The following RALGDS variants were observed in gnomAD, a reference collection of about 807,000 sequenced individuals.
The protein encoded by RALGDS is ral guanine nucleotide exchange factor.
Under a neutral mutation model 99.8 loss-of-function variants are expected in RALGDS, and 44 were observed. The observed-to-expected ratio is 0.44, with a 90% CI of 0.35 to 0.57. The LOEUF (loss-of-function observed/expected upper bound fraction) is 0.57. RALGDS is among the 20% of genes least tolerant of loss of function. The pLI is 0.01. For synonymous variants in RALGDS, 529 were observed against 505.0 expected (o/e 1.05, Z -0.64); for missense variants, 1,022 against 1,203.1 (o/e 0.85, Z 2.23).
chr9:133,107,352 T>C (rs754278523), intron 6 of RALGDS, 52 bp from the exon 7 acceptor site: 16 of 1,498,566 alleles, frequency 1.1e-5, no homozygotes, highest in Non-Finnish European at 1.3e-5. Context: ...TCTGGGCTGG[T>C]GCTGGGGAAG....
rs1404162814 is a variant in RALGDS at position 133,098,154 on chromosome 9, C to T, written c.*433G>A. On this transcript the variant is annotated 3_prime_UTR_variant, in exon 18 of 18. Coordinates refer to ENST00000372050, the MANE Select transcript of RALGDS (RefSeq NM_006266.4). ...GCTAGAGTGGTGGGAGGGGCCGGGA[C>T]CCCTGCGAAGGTCACAGGCCAGTGC... 3 of 298,916 alleles carry T rather than the reference C, an allele frequency of 1.0e-5. No individual in the cohort carries two copies. The highest frequency in any genetic ancestry group is 1.9e-5 in the Non-Finnish European group (3 of 157,152). The allele number at this position is 298,916 out of a possible 1,614,324, so 18.5% of individuals were successfully genotyped here. A position where few individuals can be genotyped will look rare whatever the true frequency, so the allele number is the denominator to read the frequency against.
upstream of RALGDS, among the ~76,000 whole-genome samples, chr9:133,125,839 G>A (rs1190013432): frequency 6.6e-6 from 1 of 152,152 alleles, no homozygotes; most frequent in East Asian, 1.9e-4. Flanking sequence ...CCCGGGCAGT[G>A]ACTCCTGCCA....
At chr9:133,139,451 C>T (rs923768489) in intron 1 of RALGDS, among the ~76,000 whole-genome samples, 27 of 152,302 alleles carry the variant, frequency 1.8e-4, no homozygotes, top group Admixed American at 1.2e-3. Context: ...CCACACTGGG[C>T]ACTACCCACC....
At position 133,120,959 on chromosome 9, in the gene RALGDS, C is replaced by A; in HGVS notation, c.183+13G>T. On this transcript the variant is annotated intron_variant, in intron 1 of 17. Coordinates refer to ENST00000372050, the MANE Select transcript of RALGDS (RefSeq NM_006266.4). ...CCGACGCACCCCCCGCCCGACCGCC[C>A]CAGCTCACCCACCTCCGGGCGCGGC... is the stretch of plus-strand genomic sequence containing the variant. The A allele has an allele frequency of 3.4e-6, 5 of 1,479,876 alleles. No homozygotes were observed. The highest frequency in any genetic ancestry group is 4.5e-6 in the Non-Finnish European group (5 of 1,120,750). The allele number at this position is 1,479,876 out of a possible 1,614,324, so 91.7% of individuals were successfully genotyped here.
intron 4 of RALGDS, 111 bp downstream of exon 4, chr9:133,109,515 G>C: frequency 1.0e-6 from 1 of 984,934 alleles, no homozygotes; most frequent in Non-Finnish European, 1.6e-6. Context: ...CACAAGAGGT[G>C]TGGGAGCCAG....
At chr9:133,113,468 C>G (rs967106681) in intron 1 of RALGDS, among the ~76,000 whole-genome samples, 1 of 152,152 alleles carries the variant, frequency 6.6e-6, no homozygotes, top group African/African-American at 2.4e-5. Flanking sequence ...GGCATTGTGC[C>G]GGGCTCCTGA....
In RALGDS at chr9:133,101,998, G is replaced by A. The variant is rs773247714; in HGVS notation, c.2151C>T (p.Ser717=). The change falls in exon 15 of 18, where the codon TCC becomes TCT. Residue 717 remains serine (S), a synonymous_variant. Coordinates refer to ENST00000372050, the MANE Select transcript of RALGDS (RefSeq NM_006266.4). ...AGCTGATGTTGATCTCCTCCACGTC[G>A]GAGCTAGAGGAGCCGGCCGAGTGCA... ...LSVHSAGSSS[S]DVEEINISFV... The A allele has an allele frequency of 9.7e-6, 15 of 1,552,076 alleles. No individual in the cohort carries two copies. Among genetic ancestry groups the A allele is most frequent in the Middle Eastern group, 1.7e-4 (1 of 6,016 alleles).
upstream of RALGDS, among the ~76,000 whole-genome samples, chr9:133,122,444 G>A (rs1438365468): frequency 6.6e-6 from 1 of 152,180 alleles, no homozygotes; most frequent in Admixed American, 6.5e-5. Context: ...CTGAGAGGGC[G>A]GGACCAGACA....
chr9:133,102,292 C>A (rs1421893062), intron 14 of RALGDS, among the ~76,000 whole-genome samples, 153 bp from the exon 15 acceptor site: 1 of 152,294 alleles, frequency 6.6e-6, no homozygotes, highest in South Asian at 2.1e-4. Flanking sequence ...TTTAGTATCA[C>A]CCCATTTCAC....
chr9:133,097,893 C>G lies in RALGDS; in HGVS notation c.*694G>C. On this transcript the variant is annotated 3_prime_UTR_variant, in exon 18 of 18. Coordinates refer to ENST00000372050, the MANE Select transcript of RALGDS (RefSeq NM_006266.4). ...CAAATCCTCCTTCCTCACTAACCCC[C>G]GTCTTGCATGGTCTCGTAAAGCCCA... 1 of 230,788 alleles carries G rather than the reference C, an allele frequency of 4.3e-6. No individual in the cohort carries two copies. Among genetic ancestry groups the G allele is most frequent in the Non-Finnish European group, 8.6e-6 (1 of 116,426 alleles). The allele number at this position is 230,788 out of a possible 1,614,324, so 14.3% of individuals were successfully genotyped here.
chr9:133,118,770 C>T (rs183022800), intron 1 of RALGDS, among the ~76,000 whole-genome samples: 1 of 152,282 alleles, frequency 6.6e-6, no homozygotes, highest in Admixed American at 6.5e-5. Flanking sequence ...CTCCTGGTGG[C>T]TCCTGCACAC....
At position 133,098,368 on chromosome 9, in the gene RALGDS, C is replaced by T; in HGVS notation, c.*219G>A. 1 of 588,140 alleles carries T rather than the reference C, an allele frequency of 1.7e-6. No individual in the cohort carries two copies. The highest frequency in any genetic ancestry group is 2.0e-5 in the South Asian group (1 of 50,834). The allele number at this position is 588,140 out of a possible 1,614,324, so 36.4% of individuals were successfully genotyped here. A position where few individuals can be genotyped will look rare whatever the true frequency, so the allele number is the denominator to read the frequency against. Reference sequence around the variant, plus strand: ...CAAAAGTCAGCTAGTCCTCTGGTTCCAGAGAGCAGAAGGCACCTAAGGCAG... The same window carrying T: ...CAAAAGTCAGCTAGTCCTCTGGTTCTAGAGAGCAGAAGGCACCTAAGGCAG... On this transcript the variant is annotated 3_prime_UTR_variant, in exon 18 of 18. Transcript: ENST00000372050.
intron 1 of RALGDS, among the ~76,000 whole-genome samples, chr9:133,147,453 A>G (rs575795): frequency 0.93 from 141,641 of 152,264 alleles, 65,944 homozygotes; most frequent in East Asian, 1. Context: ...TCAGAGCCAC[A>G]CCCAAGCCCA....
At chr9:133,109,209 T>C (rs999117145) in intron 4 of RALGDS, among the ~76,000 whole-genome samples, 2 of 152,182 alleles carry the variant, frequency 1.3e-5, no homozygotes, top group Non-Finnish European at 2.9e-5. Flanking sequence ...CAGAGCTGTG[T>C]GTGGGTCTCA....
At chr9:133,132,733 G>A (rs893255903), upstream of RALGDS, among the ~76,000 whole-genome samples, 33 of 152,072 alleles carry the variant, frequency 2.2e-4, no homozygotes, top group African/African-American at 6.0e-4. Context: ...TCCGACTCCC[G>A]GGTTCAAGCG....
At chr9:133,132,292 G>A (rs376525629), upstream of RALGDS, among the ~76,000 whole-genome samples, 1 of 152,222 alleles carries the variant, frequency 6.6e-6, no homozygotes, top group East Asian at 1.9e-4. Flanking sequence ...AGACAGGCAG[G>A]ATCTGGGTGA....
chr9:133,107,027 C>T (rs1564233518), intron 7 of RALGDS, 58 bp downstream of exon 7: 2 of 1,588,844 alleles, frequency 1.3e-6, no homozygotes, highest in East Asian at 2.2e-5. Context: ...GGACTGCAGA[C>T]CACAACCTGA....
intron 1 of RALGDS, among the ~76,000 whole-genome samples, chr9:133,140,589 C>G (rs1485446247): frequency 1.3e-5 from 2 of 152,060 alleles, no homozygotes; most frequent in African/African-American, 4.8e-5. Flanking sequence ...CCCGGCCCCC[C>G]TTATCCTTCC....
At chr9:133,113,132 T>C (rs1184451643) in intron 1 of RALGDS, among the ~76,000 whole-genome samples, 2 of 152,010 alleles carry the variant, frequency 1.3e-5, no homozygotes, top group Non-Finnish European at 2.9e-5. Flanking sequence ...TTGCAGCGGG[T>C]AGAGGAGCCG....
Sources: allele counts gnomAD v4.1 joint callset (sites outside exome capture counted in the v4.1 genomes callset), GRCh38; gene constraint gnomAD v4.1.1; transcripts MANE v1.5; gene names NCBI Gene and HGNC (gene_info 2026-07-23, HGNC 2026-07-21).